TENM4: variants seen among roughly 807,000 people sequenced by gnomAD.
TENM4 encodes the protein teneurin transmembrane protein 4.
A neutral mutation model predicts 243.3 loss-of-function variants in TENM4; 82 were observed. That is an observed-to-expected ratio of 0.34 (90% CI 0.28 to 0.40). The LOEUF (loss-of-function observed/expected upper bound fraction) is 0.40, where lower values mean the gene tolerates loss of function less well. TENM4 is among the 10% of genes least tolerant of loss of function. TENM4 has a pLI of 1.00. For synonymous variants in TENM4, 1,412 were observed against 1,456.3 expected (o/e 0.97, Z 0.69); for missense variants, 3,138 against 3,673.3 (o/e 0.85, Z 3.77).
intron 1 of TENM4, among the ~76,000 whole-genome samples, chr11:79,434,079 G>C (rs186687825): frequency 6.6e-6 from 1 of 152,172 alleles, no homozygotes; most frequent in Non-Finnish European, 1.5e-5. Context: ...TCTAACTACA[G>C]GGAACACATC....
At chr11:79,367,883 T>C (rs1309076706) in intron 1 of TENM4, among the ~76,000 whole-genome samples, 1 of 152,188 alleles carries the variant, frequency 6.6e-6, no homozygotes, top group East Asian at 1.9e-4. Flanking sequence ...GTGGGGTCTT[T>C]TATTTCTGAG....
At chr11:79,260,235 G>A (rs1855773102) in intron 2 of TENM4, among the ~76,000 whole-genome samples, 1 of 152,122 alleles carries the variant, frequency 6.6e-6, no homozygotes, top group South Asian at 2.1e-4. Context: ...TAAGGTGAGC[G>A]AGGCACCAAG....
intron 4 of TENM4, among the ~76,000 whole-genome samples, chr11:79,080,000 C>T (rs538194966): frequency 5.9e-5 from 9 of 151,878 alleles, no homozygotes; most frequent in South Asian, 2.1e-4. Context: ...GGGGCTGAAA[C>T]CTGCCTCCTT....
At position 79,164,456 on chromosome 11, in the gene TENM4, A is replaced by AGT. The variant is rs1591326436; in HGVS notation, c.-162-15652_-162-15651dup. On this transcript the variant is annotated intron_variant, in intron 3 of 33. Coordinates refer to ENST00000278550, the MANE Select transcript of TENM4 (RefSeq NM_001098816.3). ...TATATATGTACTATATAGTATATAT[A>AGT]GTATATATATAGTGTATATATATAG... is the stretch of plus-strand genomic sequence containing the variant. Among the ~76,000 whole-genome samples the AGT allele has an allele frequency of 4.5e-5, 6 of 133,822 alleles. No homozygotes were observed. In the East Asian group the frequency reaches 1.5e-3, roughly 32 times the overall value. 87.8% of individuals were successfully genotyped at this position (133,822 alleles called of 152,430 possible).
In TENM4 at chr11:78,750,918, C is replaced by T. The variant is rs1856174712; in HGVS notation, c.2756+5887G>A. Among the ~76,000 whole-genome samples, 4 of 151,820 alleles carry T rather than the reference C, an allele frequency of 2.6e-5. No homozygotes were observed. In the South Asian group the frequency reaches 8.3e-4, roughly 32 times the overall value. On this transcript the variant is annotated intron_variant, in intron 19 of 33. Transcript: ENST00000278550. ...GTTTTGAGACAGGGTCTGGCTCTGT[C>T]ACCCAGGCTGGAGTGCAATGGAGTG...
chr11:79,291,927 A>G (rs1043715649), intron 2 of TENM4, among the ~76,000 whole-genome samples: 1 of 152,128 alleles, frequency 6.6e-6, no homozygotes, highest in Admixed American at 6.5e-5. Context: ...CACAGCCTTG[A>G]TTCATGCAAA....
intron 7 of TENM4, among the ~76,000 whole-genome samples, chr11:78,899,571 G>GGGAAAAA (rs1565430077): frequency 2.5e-5 from 2 of 79,378 alleles, no homozygotes; most frequent in East Asian, 6.0e-4. Context: ...GGGGGGGGGG[G>GGGAAAAA]AAAAAGAAAA....
intron 1 of TENM4, among the ~76,000 whole-genome samples, chr11:79,317,076 A>G (rs577483472): frequency 3.8e-4 from 58 of 152,250 alleles, no homozygotes; most frequent in Non-Finnish European, 1.6e-4. Flanking sequence ...ATGGAAGATG[A>G]CAAAAAGAAT....
intron 4 of TENM4, among the ~76,000 whole-genome samples, chr11:79,123,261 G>C (rs1422767149): frequency 6.6e-6 from 1 of 152,148 alleles, no homozygotes; most frequent in Non-Finnish European, 1.5e-5. Context: ...TATTGAGCTG[G>C]ACACTAAATA....
chr11:78,802,788 T>C (rs763997679), intron 15 of TENM4, among the ~76,000 whole-genome samples: 10 of 152,272 alleles, frequency 6.6e-5, no homozygotes, highest in Non-Finnish European at 1.3e-4. Context: ...GTTTTCACTA[T>C]TACAATACTT....
At chr11:78,938,879 A>G (rs796199252) in intron 6 of TENM4, among the ~76,000 whole-genome samples, 20 of 152,362 alleles carry the variant, frequency 1.3e-4, no homozygotes, top group African/African-American at 4.8e-4. Context: ...ATGGTCACAC[A>G]AGACTTTCCT....
chr11:79,237,436 G>A (rs1864497770), intron 2 of TENM4, among the ~76,000 whole-genome samples: 1 of 152,196 alleles, frequency 6.6e-6, no homozygotes, highest in South Asian at 2.1e-4. Context: ...CAGCACATTG[G>A]GAGGCCGAGG....
intron 12 of TENM4, among the ~76,000 whole-genome samples, chr11:78,845,847 A>G (rs772644256): frequency 6.6e-6 from 1 of 152,224 alleles, no homozygotes; most frequent in Admixed American, 6.5e-5. Context: ...CTGACAAAAT[A>G]TCTTCTATCA....
chr11:79,356,027 G>C (rs1043103700), intron 1 of TENM4, among the ~76,000 whole-genome samples: 2 of 152,198 alleles, frequency 1.3e-5, no homozygotes, highest in African/African-American at 2.4e-5. Flanking sequence ...AGGGCCCACA[G>C]ACTCACCCCA....
At chr11:79,228,359 C>A (rs1864311052) in intron 2 of TENM4, among the ~76,000 whole-genome samples, 1 of 152,174 alleles carries the variant, frequency 6.6e-6, no homozygotes. Context: ...GTGTCCCAGA[C>A]CAATGTCGCC....
chr11:79,165,870 T>C (rs1862900534), intron 3 of TENM4, among the ~76,000 whole-genome samples: 1 of 152,244 alleles, frequency 6.6e-6, no homozygotes, highest in African/African-American at 2.4e-5. Context: ...TTGACAATTA[T>C]CCAAGTACCA....
At chr11:79,254,611 C>A (rs1476783595) in intron 2 of TENM4, among the ~76,000 whole-genome samples, 2 of 152,202 alleles carry the variant, frequency 1.3e-5, no homozygotes, top group African/African-American at 4.8e-5. Flanking sequence ...GTTACTGGGG[C>A]AATGAGATTA....
At chr11:78,851,273 C>T (rs557885946) in intron 12 of TENM4, among the ~76,000 whole-genome samples, 6 of 152,256 alleles carry the variant, frequency 3.9e-5, no homozygotes, top group Admixed American at 2.6e-4. Flanking sequence ...CTGAGAAGCA[C>T]GGTATGACCT....
At chr11:79,153,178 A>C (rs1477011756) in intron 3 of TENM4, among the ~76,000 whole-genome samples, 2 of 152,220 alleles carry the variant, frequency 1.3e-5, no homozygotes, top group African/African-American at 4.8e-5. Context: ...TGTGCCATGA[A>C]TAACAACCAA....
Sources: gnomAD v4.1 joint callset for allele counts (sites outside exome capture counted in the v4.1 genomes callset) on GRCh38, gnomAD v4.1.1 for gene constraint, MANE v1.5 for transcripts, NCBI Gene and HGNC (gene_info 2026-07-23, HGNC 2026-07-21) for gene names.